RAD51B: variants seen among roughly 807,000 people sequenced by gnomAD.
RAD51B encodes the protein RAD51 paralog B, also known as DNA repair protein RAD51 homolog 2.
Under a neutral mutation model 42.2 loss-of-function variants are expected in RAD51B, and 38 were observed. The ratio of observed to expected loss-of-function variants is 0.90; its 90% CI spans 0.70 to 1.18. RAD51B has a LOEUF of 1.18. Ranked by LOEUF, RAD51B falls within the 50% of genes most tolerant of loss-of-function variation. RAD51B has a pLI of 0.00. For synonymous variants in RAD51B, 154 were observed against 145.2 expected (o/e 1.06, Z -0.43); for missense variants, 373 against 400.7 (o/e 0.93, Z 0.59).
rs73274116 is a variant in RAD51B, at chr14:68,337,020, T to C, written c.853+45040T>C. 9.2e-3 allele frequency among the ~76,000 whole-genome samples: 1,398 copies of C among 152,356 alleles called. 22 individuals carry two copies. The highest frequency in any genetic ancestry group is 0.032 in the African/African-American group (1,334 of 41,588). On this transcript the variant is annotated intron_variant, in intron 8 of 10. Transcript: ENST00000471583. The stretch of plus-strand genomic sequence containing the variant: ...CATGTTCTAACTGAGATGAATTCCT[T>C]TGTCAAACTAGTAAGAGGGTGATTT...
intron 7 of RAD51B, among the ~76,000 whole-genome samples, chr14:68,181,852 G>A (rs191478751): frequency 1.3e-5 from 2 of 152,270 alleles, no homozygotes; most frequent in African/African-American, 4.8e-5. Context: ...TACACGGTGA[G>A]TCACTGGAAA....
chr14:68,274,830 C>G (rs920213040), intron 7 of RAD51B, among the ~76,000 whole-genome samples: 2 of 152,086 alleles, frequency 1.3e-5, no homozygotes, highest in South Asian at 4.1e-4. Flanking sequence ...CTTATATTTC[C>G]CATAAACTGG....
chr14:68,412,571 A>G (rs372259627), intron 9 of RAD51B, among the ~76,000 whole-genome samples: 7 of 152,264 alleles, frequency 4.6e-5, no homozygotes, highest in East Asian at 3.9e-4. Context: ...AATTTTCCAA[A>G]CCAGAGAATT....
intron 10 of RAD51B, among the ~76,000 whole-genome samples, chr14:68,619,879 C>T (rs1891909413): frequency 6.6e-6 from 1 of 152,160 alleles, no homozygotes; most frequent in African/African-American, 2.4e-5. Flanking sequence ...CACTTAAGTC[C>T]CCTTTTGAGG....
chr14:68,308,805 A>G (rs2081917031), intron 8 of RAD51B, among the ~76,000 whole-genome samples: 1 of 151,806 alleles, frequency 6.6e-6, no homozygotes, highest in Non-Finnish European at 1.5e-5. Context: ...CTGCCACCCA[A>G]GTCAGTCATC....
intron 7 of RAD51B, among the ~76,000 whole-genome samples, chr14:67,934,386 C>A (rs2044857113): frequency 6.6e-6 from 1 of 152,108 alleles, no homozygotes; most frequent in African/African-American, 2.4e-5. Context: ...AACAGGCGTA[C>A]TGTGAAGGAA....
At chr14:67,965,642 C>G (rs1207045706) in intron 7 of RAD51B, among the ~76,000 whole-genome samples, 1 of 152,000 alleles carries the variant, frequency 6.6e-6, no homozygotes, top group Non-Finnish European at 1.5e-5. Context: ...TCCCCCTTAC[C>G]GTATTTCCCA....
At chr14:68,281,285 G>A (rs1259574985) in intron 7 of RAD51B, among the ~76,000 whole-genome samples, 1 of 152,148 alleles carries the variant, frequency 6.6e-6, no homozygotes, top group East Asian at 1.9e-4. Flanking sequence ...AATGTTATAA[G>A]CCTTGGTTTT....
intron 7 of RAD51B, among the ~76,000 whole-genome samples, chr14:68,222,253 T>C (rs2079944160): frequency 6.6e-6 from 1 of 152,106 alleles, no homozygotes; most frequent in Non-Finnish European, 1.5e-5. Context: ...CAGTTTGCAA[T>C]TGCAAAAATA....
intron 7 of RAD51B, among the ~76,000 whole-genome samples, chr14:67,890,423 A>G (rs1369743608): frequency 6.6e-6 from 1 of 151,812 alleles, no homozygotes; most frequent in Non-Finnish European, 1.5e-5. Context: ...TTTCTGAGAC[A>G]TACAGAATTA....
Position 67,872,243 on chromosome 14 carries a change from C to T in RAD51B, c.452+7104C>T, listed in dbSNP as rs1320500240. Among the ~76,000 whole-genome samples, 4 of 140,388 alleles carry T rather than the reference C, an allele frequency of 2.8e-5. No individual in the cohort carries two copies. In the East Asian group the frequency reaches 8.2e-4, roughly 29 times the overall value. 92.1% of individuals were successfully genotyped at this position (140,388 alleles called of 152,430 possible). A position where few individuals can be genotyped will look rare whatever the true frequency, so the allele number is the denominator to read the frequency against. ...CTGATAAGCAACTTCAGCAAAGTCTCAGGATACAAAATCAATGTACAAAAA... is the reference window on the plus strand; with the variant it reads ...CTGATAAGCAACTTCAGCAAAGTCTTAGGATACAAAATCAATGTACAAAAA... On this transcript the variant is annotated intron_variant, in intron 5 of 10. Coordinates refer to ENST00000471583, the MANE Select transcript of RAD51B (RefSeq NM_133510.4).
intron 7 of RAD51B, among the ~76,000 whole-genome samples, chr14:68,060,508 A>G (rs763413040): frequency 6.6e-6 from 1 of 152,230 alleles, no homozygotes; most frequent in East Asian, 1.9e-4. Context: ...CAAAACAGTC[A>G]TAGTATTTTA....
chr14:68,442,112 A>G (rs1412174918), intron 9 of RAD51B, among the ~76,000 whole-genome samples: 1 of 152,148 alleles, frequency 6.6e-6, no homozygotes, highest in African/African-American at 2.4e-5. Flanking sequence ...TAAAGATACA[A>G]AGTCTGAGAT....
intron 7 of RAD51B, among the ~76,000 whole-genome samples, chr14:67,925,397 C>T (rs887566249): frequency 5.3e-5 from 8 of 152,224 alleles, no homozygotes; most frequent in South Asian, 2.1e-4. Flanking sequence ...CTCAGCCTCC[C>T]GAGTAGCCGG....
chr14:68,184,348 A>G (rs1566712355), intron 7 of RAD51B, among the ~76,000 whole-genome samples: 1 of 152,094 alleles, frequency 6.6e-6, no homozygotes, highest in Non-Finnish European at 1.5e-5. Flanking sequence ...CAATCCTTCC[A>G]TCTCAGCCTC....
At position 68,605,779 on chromosome 14, in the gene RAD51B, G is replaced by C. The variant is rs77648022; in HGVS notation, c.1037-5227G>C. ...ATTTGGGGGGACACTATCCAACACA[G>C]TACAGCCTTCCTGCCCCCCTGCAAA... On this transcript the variant is annotated intron_variant, in intron 10 of 10. Coordinates refer to the RAD51B transcript ENST00000487861. Among the ~76,000 whole-genome samples, 572 of 152,296 alleles carry C rather than the reference G, an allele frequency of 3.8e-3. 7 individuals carry two copies. The highest frequency in any genetic ancestry group is 0.013 in the African/African-American group (547 of 41,556).
intron 9 of RAD51B, among the ~76,000 whole-genome samples, chr14:68,426,138 G>A (rs998901056): frequency 8.0e-5 from 12 of 150,694 alleles, no homozygotes; most frequent in Non-Finnish European, 1.3e-4. Context: ...GCACGATCTC[G>A]GCTCACCACA....
chr14:68,508,606 C>G (rs1009517395), intron 10 of RAD51B, among the ~76,000 whole-genome samples: 1 of 152,250 alleles, frequency 6.6e-6, no homozygotes, highest in East Asian at 1.9e-4. Flanking sequence ...GACCTCCTAC[C>G]CTGTCTGGAA....
At chr14:68,663,446 G>A (rs1892974747) in intron 11 of RAD51B, among the ~76,000 whole-genome samples, 1 of 152,172 alleles carries the variant, frequency 6.6e-6, no homozygotes, top group African/African-American at 2.4e-5. Context: ...AGCCCCTGAT[G>A]AATGGCTCTC....
Sources: allele counts gnomAD v4.1 joint callset (sites outside exome capture counted in the v4.1 genomes callset), GRCh38; gene constraint gnomAD v4.1.1; transcripts MANE v1.5; gene names NCBI Gene and HGNC (gene_info 2026-07-23, HGNC 2026-07-21).